Variants in CSMD1 observed in about 807,000 individuals in gnomAD.
The protein encoded by CSMD1 is CUB and Sushi multiple domains 1, also known as CUB and sushi domain-containing protein 1.
CSMD1 carries 213 observed loss-of-function variants against 417.5 expected under a neutral mutation model. The observed-to-expected ratio is 0.51, with a 90% CI of 0.46 to 0.57. The LOEUF is 0.57. CSMD1 is among the 20% of genes least tolerant of loss of function. The pLI is 0.00. For synonymous variants in CSMD1, 2,862 were observed against 1,736.8 expected (o/e 1.65, Z -16.11); for missense variants, 6,923 against 4,529.7 (o/e 1.53, Z -15.17).
chr8:4,352,826 C>G (rs1046070083), intron 3 of CSMD1, among the ~76,000 whole-genome samples: 1 of 152,118 alleles, frequency 6.6e-6, no homozygotes, highest in Non-Finnish European at 1.5e-5. Flanking sequence ...ATGGTTCAAA[C>G]GAACTCAAAC....
intron 4 of CSMD1, among the ~76,000 whole-genome samples, chr8:4,000,108 C>T (rs1007027859): frequency 6.6e-6 from 1 of 152,376 alleles, no homozygotes; most frequent in South Asian, 2.1e-4. Flanking sequence ...CTGCCCCCCG[C>T]CCTCCGTGGG....
At chr8:4,374,154 C>A (rs983687461) in intron 3 of CSMD1, among the ~76,000 whole-genome samples, 4 of 152,122 alleles carry the variant, frequency 2.6e-5, no homozygotes, top group African/African-American at 9.7e-5. Context: ...TACGTCCTTA[C>A]CCTCCCCTTT....
chr8:4,637,437 C>G lies in CSMD1; in HGVS notation c.207G>C (p.Arg69Ser). 1 of 1,613,812 alleles carries G rather than the reference C, an allele frequency of 6.2e-7. No homozygotes were observed. Among genetic ancestry groups the G allele is most frequent in the Non-Finnish European group, 8.5e-7 (1 of 1,179,880 alleles). Residue 69 changes from arginine (R) to serine (S), a missense_variant, in exon 2 of 70, where the codon AGG becomes AGC. Transcript: ENST00000635120. Reference sequence around the variant, plus strand: ...CAAAGGTATGGAAGGACAACTGTATCCTATTGCGCTCGCCCGTGATGATGA... The same window carrying G: ...CAAAGGTATGGAAGGACAACTGTATGCTATTGCGCTCGCCCGTGATGATGA... ...TWIIITGERN[R>S]IQLSFHTFAL...
chr8:3,522,375 G>C (rs996554896), intron 10 of CSMD1, among the ~76,000 whole-genome samples: 2 of 152,186 alleles, frequency 1.3e-5, no homozygotes, highest in East Asian at 3.9e-4. Context: ...TCAGGAACAA[G>C]TATAAAAATA....
intron 26 of CSMD1, among the ~76,000 whole-genome samples, chr8:3,237,491 TAAATA>T (rs1287229769): frequency 1.3e-5 from 2 of 148,358 alleles, no homozygotes; most frequent in African/African-American, 2.5e-5. Context: ...ACTTTGCATA[TAAATA>T]AAAGTATATA....
intron 2 of CSMD1, among the ~76,000 whole-genome samples, chr8:4,539,689 G>A (rs1797286574): frequency 6.6e-6 from 1 of 152,142 alleles, no homozygotes; most frequent in Non-Finnish European, 1.5e-5. Context: ...ATTATAGTAG[G>A]GGAAAATATC....
chr8:4,291,267 C>G (rs1182350841), intron 3 of CSMD1, among the ~76,000 whole-genome samples: 1 of 151,782 alleles, frequency 6.6e-6, no homozygotes, highest in Admixed American at 6.6e-5. Flanking sequence ...AGAAAATATT[C>G]AAAAGGATAA....
intron 5 of CSMD1, among the ~76,000 whole-genome samples, chr8:3,913,195 G>C (rs1331621423): frequency 2.0e-5 from 3 of 152,038 alleles, no homozygotes; most frequent in Non-Finnish European, 2.9e-5. Context: ...CGAATATATT[G>C]GTTGGAGGTC....
chr8:3,343,490 C>A (rs156075), intron 22 of CSMD1, 40 bp from the exon 23 acceptor site: 138,023 of 1,570,382 alleles, frequency 0.088, 7,456 homozygotes, highest in African/African-American at 0.23. Flanking sequence ...TATGCCTTCA[C>A]TGGATTCTTA....
chr8:4,048,433 T>A (rs1798260009), intron 3 of CSMD1, among the ~76,000 whole-genome samples: 1 of 152,224 alleles, frequency 6.6e-6, no homozygotes, highest in Admixed American at 6.5e-5. Context: ...GAACATGAAC[T>A]CTCCTATTTT....
At chr8:4,686,058 C>T (rs528686088) in intron 1 of CSMD1, among the ~76,000 whole-genome samples, 4 of 152,160 alleles carry the variant, frequency 2.6e-5, no homozygotes, top group Non-Finnish European at 5.9e-5. Context: ...GCAGTTTTAT[C>T]TTGTCTTGGA....
chr8:3,949,942 G>A (rs775788015), intron 5 of CSMD1: 4 of 455,850 alleles, frequency 8.8e-6, no homozygotes, highest in Admixed American at 4.7e-5. Flanking sequence ...AAACACACAT[G>A]GAGAGGTTCA....
intron 2 of CSMD1, among the ~76,000 whole-genome samples, chr8:4,558,763 G>A (rs1798203402): frequency 6.6e-6 from 1 of 152,176 alleles, no homozygotes; most frequent in Non-Finnish European, 1.5e-5. Flanking sequence ...AGCTACTCCG[G>A]AGGCTGAGGC....
At chr8:4,241,813 C>T (rs901741774) in intron 3 of CSMD1, among the ~76,000 whole-genome samples, 1 of 151,836 alleles carries the variant, frequency 6.6e-6, no homozygotes, top group African/African-American at 2.4e-5. Context: ...TGGGTTCACG[C>T]CATTCTCCTG....
chr8:4,518,851 G>A (rs1431852542), intron 2 of CSMD1, among the ~76,000 whole-genome samples: 1 of 151,918 alleles, frequency 6.6e-6, no homozygotes, highest in South Asian at 2.1e-4. Flanking sequence ...ATTCGGCATG[G>A]TCTAAATACA....
chr8:3,270,610 T>C (rs1194542739), intron 26 of CSMD1, among the ~76,000 whole-genome samples: 1 of 152,218 alleles, frequency 6.6e-6, no homozygotes, highest in African/African-American at 2.4e-5. Context: ...GCAGCCCTTT[T>C]ATTATATAGG....
intron 33 of CSMD1, among the ~76,000 whole-genome samples, chr8:3,195,591 T>A (rs956567567): frequency 2.0e-5 from 3 of 152,076 alleles, no homozygotes; most frequent in African/African-American, 7.2e-5. Flanking sequence ...ATGACAAAGA[T>A]CCCTAAACCT....
intron 8 of CSMD1, among the ~76,000 whole-genome samples, chr8:3,590,807 A>G (rs1055093318): frequency 3.3e-5 from 5 of 152,184 alleles, no homozygotes; most frequent in African/African-American, 9.6e-5. Flanking sequence ...CAGAAACTAA[A>G]TAAGACCCCA....
chr8:4,345,815 G>A (rs185686939), intron 3 of CSMD1, among the ~76,000 whole-genome samples: 1 of 152,226 alleles, frequency 6.6e-6, no homozygotes, highest in Non-Finnish European at 1.5e-5. Flanking sequence ...TGCCTTCACA[G>A]GGAGGTCATC....
Sources: allele counts gnomAD v4.1 joint callset (sites outside exome capture counted in the v4.1 genomes callset), GRCh38; gene constraint gnomAD v4.1.1; transcripts MANE v1.5; gene names NCBI Gene and HGNC (gene_info 2026-07-23, HGNC 2026-07-21).